Variants in SLC30A9 observed in about 807,000 individuals in gnomAD.
SLC30A9 encodes the protein proton-coupled zinc antiporter SLC30A9, mitochondrial.
Under a neutral mutation model 87.5 loss-of-function variants are expected in SLC30A9, and 58 were observed. The ratio of observed to expected loss-of-function variants is 0.66; its 90% CI spans 0.54 to 0.82. The LOEUF is 0.82. Ranked by LOEUF, SLC30A9 falls within the 40% of genes least tolerant of loss-of-function variation. The probability of loss-of-function intolerance (pLI) is 0.00; values close to 1 mark genes in which losing one functional copy is unlikely to be tolerated. For missense variants in SLC30A9, 557 were observed against 679.1 expected (o/e 0.82, Z 2.00); for synonymous variants, 234 against 233.0 (o/e 1.00, Z -0.04).
chr4:42,023,076 A>G (rs1388235176), intron 5 of SLC30A9, 146 bp downstream of exon 5: 4 of 582,170 alleles, frequency 6.9e-6, no homozygotes, highest in Non-Finnish European at 1.2e-5. Flanking sequence ...TGAGTTACTA[A>G]TATGTACTCC....
rs565522386 is a variant in SLC30A9, at chr4:42,074,924, T to A, written c.1419-733T>A. Among the ~76,000 whole-genome samples, 6 of 149,600 alleles carry A rather than the reference T, an allele frequency of 4.0e-5. No homozygotes were observed. In the South Asian group the frequency reaches 8.5e-4, roughly 21 times the overall value. The stretch of plus-strand genomic sequence containing the variant: ...CAACACCATTATAAATTAAAACAAA[T>A]TTTTATATGGCATTTAGGAAATTGA... On this transcript the variant is annotated intron_variant, in intron 15 of 17. Transcript: ENST00000264451.
Sources: allele counts gnomAD v4.1 joint callset (sites outside exome capture counted in the v4.1 genomes callset), GRCh38; gene constraint gnomAD v4.1.1; transcripts MANE v1.5; gene names NCBI Gene and HGNC (gene_info 2026-07-23, HGNC 2026-07-21).